Variants in ZC3H12B observed in about 807,000 individuals in gnomAD.
ZC3H12B encodes the protein zinc finger CCCH-type containing 12B.
Under a neutral mutation model 43.9 loss-of-function variants are expected in ZC3H12B, and 7 were observed. The ratio of observed to expected loss-of-function variants is 0.16; its 90% CI spans 0.09 to 0.30. The LOEUF (loss-of-function observed/expected upper bound fraction) is 0.30. Ranked by LOEUF, ZC3H12B falls within the 10% of genes least tolerant of loss-of-function variation. ZC3H12B has a pLI of 1.00. For synonymous variants in ZC3H12B, 222 were observed against 241.7 expected (o/e 0.92, Z 0.76); for missense variants, 475 against 670.2 (o/e 0.71, Z 3.22).
the ZC3H12B span, among the ~76,000 whole-genome samples, chrX:65,076,673 A>T: frequency 9.4e-6 from 1 of 106,040 alleles, no homozygotes; most frequent in Non-Finnish European, 1.9e-5. Flanking sequence ...CCTCTAATCT[A>T]GTATTGAGTC....
the ZC3H12B span, among the ~76,000 whole-genome samples, chrX:65,152,948 T>G: frequency 1.8e-5 from 2 of 111,721 alleles, no homozygotes; most frequent in African/African-American, 6.5e-5. Flanking sequence ...AACTATCTGA[T>G]CTTTGACAAA....
upstream of ZC3H12B, among the ~76,000 whole-genome samples, chrX:65,366,098 A>T (rs2066172121): frequency 2.7e-5 from 3 of 110,201 alleles, no homozygotes; most frequent in African/African-American, 9.9e-5. Context: ...ATTGGCTTAA[A>T]CTATATTGAT....
At chrX:65,404,774 A>T (rs1458813484) in intron 3 of ZC3H12B, among the ~76,000 whole-genome samples, 2 of 111,754 alleles carry the variant, frequency 1.8e-5, no homozygotes, top group Non-Finnish European at 3.8e-5. Flanking sequence ...TCAACACCCC[A>T]CTCCCAGCAT....
the ZC3H12B span, among the ~76,000 whole-genome samples, chrX:65,241,791 C>T: frequency 1.8e-5 from 2 of 111,678 alleles, no homozygotes; most frequent in Admixed American, 1.9e-4. Flanking sequence ...TTGTGAGGTA[C>T]CATGGAGGTG....
At chrX:65,139,722 A>T in the ZC3H12B span, among the ~76,000 whole-genome samples, 1 of 111,734 alleles carries the variant, frequency 8.9e-6, no homozygotes, top group African/African-American at 3.2e-5. Context: ...TGAATACAGG[A>T]TAGCTTTTCA....
chrX:65,179,637 A>C, the ZC3H12B span, among the ~76,000 whole-genome samples: 5 of 111,407 alleles, frequency 4.5e-5, no homozygotes, highest in Non-Finnish European at 9.4e-5. Flanking sequence ...TGAAATGGAC[A>C]CAATAAAAAT....
chrX:65,195,214 T>A, the ZC3H12B span, among the ~76,000 whole-genome samples: 2 of 111,330 alleles, frequency 1.8e-5, no homozygotes, highest in African/African-American at 6.5e-5. Context: ...ATTTGTTTTC[T>A]GGTTGATTTG....
the ZC3H12B span, among the ~76,000 whole-genome samples, chrX:65,237,323 T>A: frequency 3.6e-5 from 4 of 111,465 alleles, no homozygotes; most frequent in African/African-American, 1.3e-4. Flanking sequence ...GATTTTTTTG[T>A]AGCATTTATG....
intron 3 of ZC3H12B, among the ~76,000 whole-genome samples, chrX:65,414,068 G>A (rs1300300216): frequency 9.0e-6 from 1 of 111,710 alleles, no homozygotes; most frequent in Non-Finnish European, 1.9e-5. Context: ...TTCTTTTTCA[G>A]ATATTAATTG....
chrX:65,133,143 G>A, the ZC3H12B span, among the ~76,000 whole-genome samples: 1 of 111,532 alleles, frequency 9.0e-6, no homozygotes, highest in South Asian at 3.9e-4. Flanking sequence ...GGCCACTGTG[G>A]TTCAGGCGTT....
At chrX:65,478,036 G>A (rs2068018732) in intron 3 of ZC3H12B, among the ~76,000 whole-genome samples, 1 of 110,702 alleles carries the variant, frequency 9.0e-6, no homozygotes, top group Admixed American at 9.7e-5. Flanking sequence ...TTCAGTTATT[G>A]TCCTTTTCAA....
At chrX:65,085,690 A>G in the ZC3H12B span, among the ~76,000 whole-genome samples, 1 of 110,255 alleles carries the variant, frequency 9.1e-6, no homozygotes, top group Non-Finnish European at 1.9e-5. Flanking sequence ...GAGGATCTCT[A>G]GAGCCCAGGT....
At chrX:65,363,548 A>C (rs757611020), upstream of ZC3H12B, among the ~76,000 whole-genome samples, 1 of 110,288 alleles carries the variant, frequency 9.1e-6, no homozygotes, top group Admixed American at 9.6e-5. Flanking sequence ...TCCTTTCCCC[A>C]CTCCTGTTTC....
chrX:65,235,196 T>G, the ZC3H12B span, among the ~76,000 whole-genome samples: 2 of 111,631 alleles, frequency 1.8e-5, no homozygotes, highest in Non-Finnish European at 3.8e-5. Flanking sequence ...TTATATTTCT[T>G]TGGGTATATA....
chrX:65,080,948 A>G, the ZC3H12B span, among the ~76,000 whole-genome samples: 27 of 110,778 alleles, frequency 2.4e-4, 1 homozygote, highest in South Asian at 8.8e-3. Context: ...GTATAATAAG[A>G]TATCAATAAA....
chrX:65,412,883 A>G (rs952452672), intron 3 of ZC3H12B, among the ~76,000 whole-genome samples: 1 of 111,549 alleles, frequency 9.0e-6, no homozygotes, highest in African/African-American at 3.3e-5. Context: ...GCTGTTTTCT[A>G]CAGTGTCTGA....
the ZC3H12B span, among the ~76,000 whole-genome samples, chrX:65,147,553 G>T: frequency 9.0e-6 from 1 of 111,385 alleles, no homozygotes; most frequent in African/African-American, 3.3e-5. Flanking sequence ...TCTTGGGATT[G>T]ACCTGGCCCC....
chrX:65,053,170 C>T, the ZC3H12B span, among the ~76,000 whole-genome samples: 9 of 110,042 alleles, frequency 8.2e-5, no homozygotes, highest in East Asian at 5.7e-4. Flanking sequence ...AGGTTTGTTA[C>T]GTATGTATAC....
chrX:65,085,305 A>T, the ZC3H12B span, among the ~76,000 whole-genome samples: 1 of 111,682 alleles, frequency 9.0e-6, no homozygotes, highest in African/African-American at 3.3e-5. Context: ...ACTTGAGGAG[A>T]TGGATGCCCT....
Sources: allele counts gnomAD v4.1 joint callset (sites outside exome capture counted in the v4.1 genomes callset), GRCh38; gene constraint gnomAD v4.1.1; transcripts MANE v1.5; gene names NCBI Gene and HGNC (gene_info 2026-07-23, HGNC 2026-07-21).